Variants in ELP4 observed in about 807,000 individuals in gnomAD.
ELP4 encodes the protein elongator acetyltransferase complex subunit 4.
A neutral mutation model predicts 48.9 loss-of-function variants in ELP4; 51 were observed. That is an observed-to-expected ratio of 1.04 (90% CI 0.83 to 1.32). The LOEUF is 1.32. Among genes scored for constraint, ELP4 ranks in the 40% most tolerant of loss-of-function variants. ELP4 has a pLI of 0.00. For missense variants in ELP4, 519 were observed against 514.6 expected, an observed-to-expected ratio of 1.01 and a Z score of -0.08; for synonymous variants, 210 against 189.2, an observed-to-expected ratio of 1.11 and a Z score of -0.90.
chr11:31,734,001 G>A (rs570219012), intron 9 of ELP4, among the ~76,000 whole-genome samples: 49 of 152,250 alleles, frequency 3.2e-4, no homozygotes, highest in Middle Eastern at 3.4e-3. Context: ...CAACAACACA[G>A]TAAAAGAATC....
At chr11:31,565,712 T>C (rs1014021313) in intron 3 of ELP4, among the ~76,000 whole-genome samples, 2 of 151,476 alleles carry the variant, frequency 1.3e-5, no homozygotes, top group South Asian at 2.1e-4. Flanking sequence ...CTGAGGGCTC[T>C]GTTCTGTTCC....
At chr11:31,662,170 A>C (rs1018693128) in intron 9 of ELP4, among the ~76,000 whole-genome samples, 3 of 152,118 alleles carry the variant, frequency 2.0e-5, no homozygotes, top group South Asian at 2.1e-4. Context: ...TTTCATTAAG[A>C]TATGTTATTG....
At chr11:31,637,368 G>A (rs914685513) in intron 7 of ELP4, 2 of 151,938 alleles carry the variant, frequency 1.3e-5, no homozygotes, top group African/African-American at 4.8e-5. Context: ...GGAGGTTGTC[G>A]TGGATTGAAA....
In ELP4 at chr11:31,786,861, T is replaced by C. The variant is rs1948673480; in HGVS notation, c.*3337T>C. 4.6e-6 allele frequency: 1 copy of C among 218,234 alleles called. No homozygotes were observed. The highest frequency in any genetic ancestry group is 5.8e-5 in the Admixed American group (1 of 17,256). The allele number at this position is 218,234 out of a possible 1,614,324, so 13.5% of individuals were successfully genotyped here. ...TTAAAACATTCAGCTCTTATTCTAT[T>C]CACCTGGTTTTCCCAAGTCAGTCAA... On this transcript the variant is annotated 3_prime_UTR_variant, in exon 10 of 10. Coordinates refer to ENST00000640961, the MANE Select transcript of ELP4 (RefSeq NM_019040.5).
intron 9 of ELP4, among the ~76,000 whole-genome samples, chr11:31,750,560 T>C (rs1322134981): frequency 6.6e-6 from 1 of 152,194 alleles, no homozygotes; most frequent in Non-Finnish European, 1.5e-5. Context: ...GGATGTGACA[T>C]GTTGTCCTTG....
At chr11:31,578,032 A>T (rs1042290264) in intron 3 of ELP4, among the ~76,000 whole-genome samples, 1 of 152,200 alleles carries the variant, frequency 6.6e-6, no homozygotes, top group Non-Finnish European at 1.5e-5. Context: ...ATGTGATTGT[A>T]TATTTAGAAA....
chr11:31,680,293 G>T (rs942940708), intron 9 of ELP4, among the ~76,000 whole-genome samples: 1 of 152,082 alleles, frequency 6.6e-6, no homozygotes, highest in South Asian at 2.1e-4. Flanking sequence ...GCACTTATTG[G>T]TTCTTTATTA....
intron 3 of ELP4, among the ~76,000 whole-genome samples, chr11:31,577,585 G>A (rs1200376420): frequency 6.6e-6 from 1 of 151,920 alleles, no homozygotes; most frequent in African/African-American, 2.4e-5. Context: ...ACATCAAAAA[G>A]CTTATACACC....
intron 3 of ELP4, among the ~76,000 whole-genome samples, chr11:31,578,983 G>A (rs1474849676): frequency 3.3e-5 from 5 of 152,176 alleles, no homozygotes; most frequent in African/African-American, 1.2e-4. Flanking sequence ...AAAAGAAACT[G>A]CCATCAGAGT....
chr11:31,545,335 A>C (rs1329141575), intron 3 of ELP4, among the ~76,000 whole-genome samples: 3 of 152,250 alleles, frequency 2.0e-5, no homozygotes, highest in Non-Finnish European at 4.4e-5. Flanking sequence ...TATGTGAAGA[A>C]TGCAGAAGCC....
At chr11:31,551,382 G>A (rs1956848823) in intron 3 of ELP4, among the ~76,000 whole-genome samples, 1 of 152,060 alleles carries the variant, frequency 6.6e-6, no homozygotes, top group Non-Finnish European at 1.5e-5. Flanking sequence ...CCATAAACTA[G>A]TCTCAAAGCA....
chr11:31,632,172 A>T (rs1388086116), intron 6 of ELP4, 45 bp from the exon 7 acceptor site: 2 of 1,508,274 alleles, frequency 1.3e-6, no homozygotes, highest in African/African-American at 2.8e-5. Context: ...TATTCTATTG[A>T]TTAACAAAAC....
At chr11:31,590,151 C>T (rs1469315481) in intron 3 of ELP4, among the ~76,000 whole-genome samples, 2 of 152,098 alleles carry the variant, frequency 1.3e-5, no homozygotes, top group Non-Finnish European at 2.9e-5. Context: ...ACCTAAAAGG[C>T]AATAATAATA....
chr11:31,597,793 C>A (rs1219996796), intron 4 of ELP4, among the ~76,000 whole-genome samples: 3 of 151,998 alleles, frequency 2.0e-5, no homozygotes, highest in Non-Finnish European at 4.4e-5. Context: ...TCTCGAACTC[C>A]TGACCTCAGG....
At chr11:31,594,135 C>T (rs1298590717) in intron 3 of ELP4, among the ~76,000 whole-genome samples, 1 of 152,050 alleles carries the variant, frequency 6.6e-6, no homozygotes, top group Non-Finnish European at 1.5e-5. Context: ...GCTTAACAAA[C>T]ATGTTTTCTA....
intron 3 of ELP4, among the ~76,000 whole-genome samples, chr11:31,547,277 G>C (rs1956746809): frequency 6.6e-6 from 1 of 151,910 alleles, no homozygotes; most frequent in South Asian, 2.1e-4. Context: ...GAATCAAATA[G>C]ACGCAATAAA....
intron 9 of ELP4, among the ~76,000 whole-genome samples, chr11:31,746,896 A>C (rs2134231667): frequency 1.3e-5 from 2 of 150,880 alleles, no homozygotes; most frequent in Non-Finnish European, 2.9e-5. Context: ...AATAATAATA[A>C]TAATTTTTTT....
At chr11:31,550,757 A>G (rs557362186) in intron 3 of ELP4, among the ~76,000 whole-genome samples, 1 of 152,282 alleles carries the variant, frequency 6.6e-6, no homozygotes, top group East Asian at 1.9e-4. Flanking sequence ...AAGATTTCCC[A>G]GACATTTTTT....
chr11:31,613,675 T>C (rs1051025190), intron 5 of ELP4, among the ~76,000 whole-genome samples: 7 of 151,944 alleles, frequency 4.6e-5, no homozygotes, highest in African/African-American at 9.7e-5. Context: ...TATTATTCTT[T>C]GTATGTTTTA....
Sources: allele counts gnomAD v4.1 joint callset (sites outside exome capture counted in the v4.1 genomes callset), GRCh38; gene constraint gnomAD v4.1.1; transcripts MANE v1.5; gene names NCBI Gene and HGNC (gene_info 2026-07-23, HGNC 2026-07-21).